POLD3: variants seen among roughly 807,000 people sequenced by gnomAD.
POLD3 encodes DNA polymerase delta subunit 3.
Under a neutral mutation model 58.2 loss-of-function variants are expected in POLD3, and 19 were observed. The ratio of observed to expected loss-of-function variants is 0.33; its 90% confidence interval spans 0.23 to 0.48. The LOEUF is 0.48. Ranked by LOEUF, POLD3 falls within the 20% of genes least tolerant of loss-of-function variation. The pLI is 0.99. For synonymous variants in POLD3, 172 were observed against 193.5 expected (o/e 0.89, Z 0.92); for missense variants, 504 against 545.5 (o/e 0.92, Z 0.76).
chr11:74,650,228 A>C (rs976158485), intron 4 of POLD3, among the ~76,000 whole-genome samples: 2 of 152,134 alleles, frequency 1.3e-5, no homozygotes, highest in Non-Finnish European at 2.9e-5. Context: ...CCTTTATTGG[A>C]GTGCCTACTT....
At chr11:74,599,056 A>G (rs1450995484) in intron 2 of POLD3, among the ~76,000 whole-genome samples, 1 of 152,214 alleles carries the variant, frequency 6.6e-6, no homozygotes, top group Non-Finnish European at 1.5e-5. Flanking sequence ...GTTTTGAGAT[A>G]GAGTCTCACT....
At chr11:74,656,744 GTTTTTT>G (rs60280704) in intron 4 of POLD3, among the ~76,000 whole-genome samples, 4 of 147,412 alleles carry the variant, frequency 2.7e-5, no homozygotes, top group African/African-American at 9.9e-5. Context: ...ATATTTCAGG[GTTTTTT>G]TTTTTTTTTT....
At chr11:74,620,298 G>A (rs1273188557) in intron 7 of POLD3, among the ~76,000 whole-genome samples, 2 of 152,160 alleles carry the variant, frequency 1.3e-5, no homozygotes, top group East Asian at 1.9e-4. Flanking sequence ...AGATCTCTTT[G>A]AGAGCAGTTT....
chr11:74,601,928 T>C (rs534297102), intron 2 of POLD3, among the ~76,000 whole-genome samples: 1 of 152,244 alleles, frequency 6.6e-6, no homozygotes, highest in Non-Finnish European at 1.5e-5. Flanking sequence ...GAAGGGCATA[T>C]ACAAAGGAAT....
chr11:74,614,770 T>C (rs1315273043), intron 5 of POLD3, among the ~76,000 whole-genome samples: 1 of 150,848 alleles, frequency 6.6e-6, no homozygotes, highest in Non-Finnish European at 1.5e-5. Flanking sequence ...GGGTAGGGGA[T>C]GGTGGAAGAC....
intron 2 of POLD3, among the ~76,000 whole-genome samples, chr11:74,596,077 G>A (rs2031241824): frequency 1.4e-5 from 2 of 147,670 alleles, no homozygotes; most frequent in South Asian, 4.3e-4. Context: ...ATGTTGCCCA[G>A]GCTGGTCTCA....
At chr11:74,646,885 A>T (rs1448856528), downstream of POLD3, among the ~76,000 whole-genome samples, 2 of 152,228 alleles carry the variant, frequency 1.3e-5, no homozygotes, top group Non-Finnish European at 2.9e-5. Flanking sequence ...ACATAGCATA[A>T]TGACGGTACA....
chr11:74,627,787 T>C (rs1212051611), intron 8 of POLD3, among the ~76,000 whole-genome samples: 1 of 152,160 alleles, frequency 6.6e-6, no homozygotes, highest in Non-Finnish European at 1.5e-5. Flanking sequence ...CCTAGGAGCA[T>C]AGACTATACC....
chr11:74,596,115 C>T (rs1014437326), intron 2 of POLD3, among the ~76,000 whole-genome samples: 2 of 150,946 alleles, frequency 1.3e-5, no homozygotes, highest in African/African-American at 2.4e-5. Flanking sequence ...GATCCTCCCA[C>T]CTTGGCCTCC....
chr11:74,604,402 T>C (rs1042860499), intron 2 of POLD3, among the ~76,000 whole-genome samples: 1 of 152,234 alleles, frequency 6.6e-6, no homozygotes. Flanking sequence ...TTATGTATCA[T>C]TGCCACTGTT....
intron 10 of POLD3, among the ~76,000 whole-genome samples, chr11:74,635,202 G>A (rs547403206): frequency 2.0e-5 from 3 of 152,150 alleles, no homozygotes; most frequent in South Asian, 2.1e-4. Flanking sequence ...TGAAAAAATA[G>A]TCGCTGACAA....
chr11:74,618,427 A>C (rs1340905326), intron 5 of POLD3, 110 bp from the exon 6 acceptor site: 6 of 749,546 alleles, frequency 8.0e-6, no homozygotes, highest in Non-Finnish European at 1.3e-5. Context: ...AAGAAGCAAG[A>C]GTTTGAAAAT....
intron 9 of POLD3, among the ~76,000 whole-genome samples, chr11:74,630,155 A>C (rs961161640): frequency 6.6e-6 from 1 of 152,204 alleles, no homozygotes; most frequent in African/African-American, 2.4e-5. Context: ...AAGGGAGAGT[A>C]AAGAAGAATA....
intron 3 of POLD3, among the ~76,000 whole-genome samples, chr11:74,610,331 C>A (rs537336566): frequency 3.9e-5 from 6 of 152,154 alleles, no homozygotes; most frequent in African/African-American, 1.4e-4. Context: ...CTGCCTCAGC[C>A]TCCCGAGTAG....
chr11:74,610,219 T>C (rs868654846), intron 3 of POLD3, among the ~76,000 whole-genome samples: 7 of 152,088 alleles, frequency 4.6e-5, no homozygotes, highest in South Asian at 2.1e-4. Context: ...TTTTTTTTTT[T>C]TTCCTTTTTT....
At chr11:74,615,394 G>A (rs147063467) in intron 5 of POLD3, among the ~76,000 whole-genome samples, 4,484 of 152,288 alleles carry the variant, frequency 0.029, 94 homozygotes, top group Non-Finnish European at 0.044. Context: ...GGAGGAACCA[G>A]TCAACAATGT....
rs749927729 is a variant in POLD3 at position 74,618,680 on chromosome 11, C to T, written c.536C>T (p.Pro179Leu). Residue 179 changes from proline to leucine, a missense_variant, in exon 6 of 12, where the codon CCA becomes CTA. Physicochemically the swap from Pro to Leu is moderately conservative, Grantham distance 98. Coordinates refer to ENST00000263681, the MANE Select transcript of POLD3 (RefSeq NM_006591.3). The part of the protein sequence containing the change: ...NNELTTNGHG[P>L]PASKQVSQQP... ...GAGCTGACCACCAATGGTCATGGCC[C>T]ACCTGCATCCAAGCAGGTTTCCCAG... 8.7e-6 allele frequency: 14 copies of T among 1,614,092 alleles called. No homozygotes were observed. The highest frequency in any genetic ancestry group is 1.6e-4 in the Middle Eastern group (1 of 6,062).
Position 74,640,786 on chromosome 11 carries a change from C to A in POLD3, c.*20C>A. 6.4e-7 allele frequency: 1 copy of A among 1,559,884 alleles called. No homozygotes were observed. Among genetic ancestry groups the A allele is most frequent in the South Asian group, 1.2e-5 (1 of 80,474 alleles). ...AAATAAACTGCCATCTCTGGTAGAT[C>A]AGAGACTTGGAGTGGTCAAGGGAGA... On this transcript the variant is annotated 3_prime_UTR_variant, in exon 12 of 12. Transcript: ENST00000263681.
chr11:74,629,183 G>A, intron 8 of POLD3, 34 bp from the exon 9 acceptor site: 1 of 1,304,184 alleles, frequency 7.7e-7, no homozygotes, highest in Non-Finnish European at 1.1e-6. Context: ...TTTGTTCTGT[G>A]TAACACGCTT....
Sources: allele counts gnomAD v4.1 joint callset (sites outside exome capture counted in the v4.1 genomes callset), GRCh38; gene constraint gnomAD v4.1.1; transcripts MANE v1.5; gene names NCBI Gene and HGNC (gene_info 2026-07-23, HGNC 2026-07-21).